Variants in ATRN observed in about 807,000 individuals in gnomAD.
ATRN encodes the protein attractin-2.
ATRN carries 54 observed loss-of-function variants against 178.7 expected under a neutral mutation model. The observed-to-expected ratio is 0.30, with a 90% CI of 0.24 to 0.38. The LOEUF is 0.38. ATRN is among the 10% of genes least tolerant of loss of function. ATRN has a pLI of 1.00. For missense variants in ATRN, 1,443 were observed against 1,815.1 expected (o/e 0.79, Z 3.73); for synonymous variants, 636 against 663.0 (o/e 0.96, Z 0.63).
intron 1 of ATRN, among the ~76,000 whole-genome samples, chr20:3,512,085 T>TTATATATATATATATATA (rs1212714416): frequency 9.2e-5 from 11 of 119,772 alleles, no homozygotes; most frequent in Non-Finnish European, 1.3e-4. Context: ...CTTTTTTCTT[T>TTATATATATATATATATA]TATATATATA....
chr20:3,624,452 C>T (rs532774609), intron 24 of ATRN, 59 bp from the exon 25 acceptor site: 38 of 1,360,216 alleles, frequency 2.8e-5, no homozygotes, highest in Admixed American at 2.1e-4. Context: ...AAATGAGAAG[C>T]GTGAATCCGT....
intron 5 of ATRN, among the ~76,000 whole-genome samples, 182 bp downstream of exon 5, chr20:3,547,671 G>A (rs1465064763): frequency 6.6e-6 from 1 of 152,068 alleles, no homozygotes; most frequent in East Asian, 1.9e-4. Flanking sequence ...TACATGTGTG[G>A]TCATGGTCTT....
At position 3,471,384 on chromosome 20, in the gene ATRN, T is replaced by C; in HGVS notation, c.277T>C (p.Ser93Pro). The change falls in exon 1 of 29, where the codon TCA becomes CCA. Residue 93 changes from serine to proline, a missense_variant. Ser to Pro is a moderately conservative substitution (Grantham distance 74). Around this residue, in one of 4 missense-constraint regions of ATRN, gnomAD observed 862 missense variants for 972.1 expected, o/e 0.89. Transcript: ENST00000262919. Reference protein sequence around the residue: ...AAAAAAAVSGSAAAEAKECDR... With the variant: ...AAAAAAAVSGPAAAEAKECDR... ...GGCGGCGGCGGCGGCGGTGTCGGGC[T>C]CAGCCGCAGCCGAGGCCAAGGAATG... 6.7e-7 allele frequency: 1 copy of C among 1,487,052 alleles called. No homozygotes were observed. The highest frequency in any genetic ancestry group is 8.9e-7 in the Non-Finnish European group (1 of 1,127,356). The allele number at this position is 1,487,052 out of a possible 1,614,324, so 92.1% of individuals were successfully genotyped here. A position where few individuals can be genotyped will look rare whatever the true frequency, so the allele number is the denominator to read the frequency against.
chr20:3,488,136 TCTTA>T (rs1468981797), intron 1 of ATRN, among the ~76,000 whole-genome samples: 1 of 152,216 alleles, frequency 6.6e-6, no homozygotes, highest in African/African-American at 2.4e-5. Context: ...TACTGATTTC[TCTTA>T]CTTTTTTTCA....
intron 14 of ATRN, among the ~76,000 whole-genome samples, chr20:3,577,810 C>T (rs1282664666): frequency 6.6e-6 from 1 of 152,160 alleles, no homozygotes; most frequent in Non-Finnish European, 1.5e-5. Context: ...GACTGCTACA[C>T]TGTGAGGAGC....
intron 28 of ATRN, among the ~76,000 whole-genome samples, chr20:3,646,031 C>T (rs6107327): frequency 0.18 from 26,649 of 152,100 alleles, 4,922 homozygotes; most frequent in African/African-American, 0.47. Context: ...GGTTGCTGCG[C>T]GCCAGATACT....
At chr20:3,558,630 A>T (rs970126721) in intron 6 of ATRN, among the ~76,000 whole-genome samples, 1 of 152,014 alleles carries the variant, frequency 6.6e-6, no homozygotes, top group African/African-American at 2.4e-5. Context: ...AATGATGTTT[A>T]CTTAATGATA....
intron 27 of ATRN, among the ~76,000 whole-genome samples, chr20:3,642,411 A>C (rs992809074): frequency 6.6e-6 from 1 of 151,758 alleles, no homozygotes; most frequent in African/African-American, 2.4e-5. Flanking sequence ...CACCTCCATC[A>C]CCCTAGTTGC....
At position 3,480,060 on chromosome 20, in the gene ATRN, CTGT is replaced by C. The variant is rs762340141; in HGVS notation, c.410+8549_410+8551del. On this transcript the variant is annotated intron_variant, in intron 1 of 28. Transcript: ENST00000262919. The stretch of plus-strand genomic sequence containing the variant: ...CACCTGGAGAACTGAATGTAGGTGC[CTGT>C]TGTTGGAACATAACTTGTGAGGGGT... Among the ~76,000 whole-genome samples, 21 of 152,244 alleles carry C rather than the reference CTGT, an allele frequency of 1.4e-4. No individual in the cohort carries two copies. The East Asian group carries it at 4.0e-3, about 29-fold the overall frequency.
In ATRN at chr20:3,647,365, G is replaced by A. The variant is rs1162511871; in HGVS notation, c.*518G>A. 1 of 152,792 alleles carries A rather than the reference G, an allele frequency of 6.5e-6. No individual in the cohort carries two copies. Among genetic ancestry groups the A allele is most frequent in the Non-Finnish European group, 1.5e-5 (1 of 68,240 alleles). The allele number at this position is 152,792 out of a possible 1,614,324, so 9.5% of individuals were successfully genotyped here. On this transcript the variant is annotated 3_prime_UTR_variant, in exon 29 of 29. Coordinates refer to ENST00000262919, the MANE Select transcript of ATRN (RefSeq NM_139321.3). ...TAGGCAATTATCTCTCTTCCAGGGA[G>A]TACCTTTTTTTCTAGTTGAGAATTA... is the stretch of plus-strand genomic sequence containing the variant.
rs1441201684 is a variant in ATRN, at chr20:3,649,630, G to A, written c.*2783G>A. 1 of 152,178 alleles carries A rather than the reference G, an allele frequency of 6.6e-6. No homozygotes were observed. Among genetic ancestry groups the A allele is most frequent in the Non-Finnish European group, 1.5e-5 (1 of 68,058 alleles). 9.4% of individuals were successfully genotyped at this position (152,178 alleles called of 1,614,324 possible). On this transcript the variant is annotated 3_prime_UTR_variant, in exon 29 of 29. Coordinates refer to ENST00000262919, the MANE Select transcript of ATRN (RefSeq NM_139321.3). ...TGGAGGAGACTCAGGAAGCAGAGGC[G>A]TCCCTGCCGCTGCCCTTGGCCCTGC...
At chr20:3,521,343 A>G (rs184081326) in intron 1 of ATRN, among the ~76,000 whole-genome samples, 8 of 151,730 alleles carry the variant, frequency 5.3e-5, no homozygotes, top group African/African-American at 1.9e-4. Flanking sequence ...AGTCAAGAGA[A>G]AAAAAAAACC....
chr20:3,638,699 C>A lies in ATRN; in HGVS notation c.3943-129C>A. ...TCCCTAATGTTATCTAATATCAAGT[C>A]TAAAAAGTATCATTTTGGACTTGAT... On this transcript the variant is annotated intron_variant, in intron 26 of 28. Coordinates refer to ENST00000262919, the MANE Select transcript of ATRN (RefSeq NM_139321.3). This position sits in a 1 kb window ranked among gnomAD's most constrained non-coding sequence, Gnocchi z 4.5. 1 of 725,532 alleles carries A rather than the reference C, an allele frequency of 1.4e-6. No homozygotes were observed. The highest frequency in any genetic ancestry group is 2.3e-6 in the Non-Finnish European group (1 of 444,092). 44.9% of individuals were successfully genotyped at this position (725,532 alleles called of 1,614,324 possible).
At chr20:3,519,458 T>C (rs995828732) in intron 1 of ATRN, among the ~76,000 whole-genome samples, 2 of 152,042 alleles carry the variant, frequency 1.3e-5, no homozygotes, top group South Asian at 4.1e-4. Context: ...ATTCAGTACA[T>C]GAATTAAAAG....
At chr20:3,516,412 T>C (rs2085207196) in intron 1 of ATRN, among the ~76,000 whole-genome samples, 1 of 152,126 alleles carries the variant, frequency 6.6e-6, no homozygotes, top group South Asian at 2.1e-4. Context: ...GAGTGTAAAA[T>C]GCACTCTTAT....
chr20:3,593,465 C>T (rs538125752), intron 19 of ATRN, among the ~76,000 whole-genome samples: 1 of 152,224 alleles, frequency 6.6e-6, no homozygotes, highest in South Asian at 2.1e-4. Flanking sequence ...ATCATATGGA[C>T]AAGGAAGCTG....
chr20:3,564,857 A>C (rs1292116211), intron 10 of ATRN, among the ~76,000 whole-genome samples: 1 of 152,098 alleles, frequency 6.6e-6, no homozygotes, highest in African/African-American at 2.4e-5. Context: ...CGAGGTCAGG[A>C]GATTGAGACT....
intron 6 of ATRN, 52 bp from the exon 7 acceptor site, chr20:3,559,341 G>C: frequency 7.7e-7 from 1 of 1,304,402 alleles, no homozygotes; most frequent in Non-Finnish European, 1.1e-6. Context: ...AAAATAGTAT[G>C]AGATGTTCTG....
chr20:3,604,773 A>G (rs2086656859), intron 24 of ATRN, among the ~76,000 whole-genome samples: 1 of 152,184 alleles, frequency 6.6e-6, no homozygotes, highest in Non-Finnish European at 1.5e-5. Flanking sequence ...GCTCCTATAC[A>G]AATCATACAG....
Sources: allele counts gnomAD v4.1 joint callset (sites outside exome capture counted in the v4.1 genomes callset), GRCh38; gene constraint gnomAD v4.1.1; regional missense constraint gnomAD v4.1.1; non-coding constraint Gnocchi (gnomAD v3.1); transcripts MANE v1.5; gene names NCBI Gene and HGNC (gene_info 2026-07-23, HGNC 2026-07-21).